FAM184A: variants seen among roughly 807,000 people sequenced by gnomAD.
The protein encoded by FAM184A is family with sequence similarity 184 member A.
FAM184A carries 99 observed loss-of-function variants against 143.8 expected under a neutral mutation model. The ratio of observed to expected loss-of-function variants is 0.69; its 90% CI spans 0.58 to 0.81. FAM184A has a LOEUF of 0.81. Among genes scored for constraint, FAM184A ranks in the 40% least tolerant of loss-of-function variants. The pLI, the probability that FAM184A is intolerant of heterozygous loss-of-function variation, is 0.00. For synonymous variants in FAM184A, 427 were observed against 446.4 expected (o/e 0.96, Z 0.55); for missense variants, 1,217 against 1,310.5 (o/e 0.93, Z 1.10).
At chr6:119,144,537 A>G (rs556794707) in intron 1 of FAM184A, among the ~76,000 whole-genome samples, 1 of 152,324 alleles carries the variant, frequency 6.6e-6, no homozygotes, top group East Asian at 1.9e-4. Context: ...AGCGTGGCTC[A>G]GGTGTTTAGC....
At chr6:119,070,952 C>T (rs1787664648) in intron 1 of FAM184A, among the ~76,000 whole-genome samples, 1 of 151,680 alleles carries the variant, frequency 6.6e-6, no homozygotes. Flanking sequence ...GGCAAAATAA[C>T]AGTATTTTAT....
chr6:119,034,836 A>G (rs969248233), intron 1 of FAM184A, among the ~76,000 whole-genome samples: 4 of 152,074 alleles, frequency 2.6e-5, no homozygotes, highest in East Asian at 3.9e-4. Context: ...CCCCAACCCT[A>G]TGCTAAACTA....
intron 1 of FAM184A, among the ~76,000 whole-genome samples, chr6:119,055,833 G>A (rs1392851001): frequency 6.6e-6 from 1 of 152,030 alleles, no homozygotes; most frequent in Non-Finnish European, 1.5e-5. Context: ...CCTTCCCAAA[G>A]GCATGCCCCT....
chr6:119,103,928 G>GAAA (rs199961401), intron 1 of FAM184A, among the ~76,000 whole-genome samples: 17 of 72,902 alleles, frequency 2.3e-4, no homozygotes, highest in Admixed American at 5.6e-4. Context: ...TCCGTGTAGA[G>GAAA]AAAAAAAAAA....
intron 1 of FAM184A, among the ~76,000 whole-genome samples, chr6:119,042,538 G>C (rs1392136371): frequency 2.0e-5 from 3 of 152,086 alleles, no homozygotes; most frequent in African/African-American, 7.2e-5. Context: ...AGTTGCCGTG[G>C]ACCCATATGG....
upstream of FAM184A, among the ~76,000 whole-genome samples, chr6:119,083,241 C>T (rs1788122147): frequency 6.6e-6 from 1 of 152,238 alleles, no homozygotes; most frequent in South Asian, 2.1e-4. Flanking sequence ...GGCCTCTGGG[C>T]CTGTGATGGG....
rs1304365658 is a variant in FAM184A at position 119,078,659 on chromosome 6, G to T, written c.-360C>A. The T allele has an allele frequency of 5.8e-6, 1 of 171,302 alleles. No homozygotes were observed. Among genetic ancestry groups the T allele is most frequent in the Non-Finnish European group, 1.2e-5 (1 of 80,896 alleles). 10.6% of individuals were successfully genotyped at this position (171,302 alleles called of 1,614,324 possible). On this transcript the variant is annotated 5_prime_UTR_variant, in exon 1 of 18. Coordinates refer to ENST00000338891, the MANE Select transcript of FAM184A (RefSeq NM_024581.6). This position sits in a 1 kb window ranked among gnomAD's most constrained non-coding sequence, Gnocchi z 5.5. ...TCGCAGCCCGCACCGAGGACTCGGC[G>T]AGGCTGCGGAGGGAGGAGGAGACGG...
intron 1 of FAM184A, among the ~76,000 whole-genome samples, chr6:119,091,498 G>A (rs1225276216): frequency 1.3e-5 from 2 of 152,172 alleles, no homozygotes; most frequent in African/African-American, 4.8e-5. Context: ...GTGGTATATG[G>A]TAGGAACAGT....
At chr6:119,081,894 T>C (rs141281434), upstream of FAM184A, among the ~76,000 whole-genome samples, 669 of 152,178 alleles carry the variant, frequency 4.4e-3, 2 homozygotes, top group Non-Finnish European at 7.3e-3. Context: ...ACCTGTGTGT[T>C]ACTCTGCTGA....
rs750478410 is a variant in FAM184A at position 118,961,942 on chromosome 6, A to T, written c.3160T>A (p.Ser1054Thr). ...ACACTCACAAACCTGTTTGTTGGTG[A>T]TTTATCATTCTTCTTCTTTTGCTGC... The part of the protein sequence containing the change: ...LAKQKKKNDK[S>T]PTNRFVSVPN... Residue 1054 changes from serine to threonine, a missense_variant, in exon 17 of 18, where the codon TCA (serine) becomes ACA (threonine). Transcript: ENST00000338891. 1.2e-6 allele frequency: 2 copies of T among 1,613,864 alleles called. No individual in the cohort carries two copies. Among genetic ancestry groups the T allele is most frequent in the East Asian group, 2.2e-5 (1 of 44,880 alleles).
intron 7 of FAM184A, among the ~76,000 whole-genome samples, chr6:119,005,101 T>C (rs577288836): frequency 6.6e-6 from 1 of 152,306 alleles, no homozygotes; most frequent in Non-Finnish European, 1.5e-5. Flanking sequence ...TTAATATAGT[T>C]TGGTCATCGA....
At chr6:119,127,515 C>T (rs1468022165) in intron 1 of FAM184A, among the ~76,000 whole-genome samples, 1 of 152,130 alleles carries the variant, frequency 6.6e-6, no homozygotes, top group African/African-American at 2.4e-5. Context: ...TGCTGGTAAA[C>T]CTCATAGAAA....
At chr6:119,068,880 C>T (rs945916889) in intron 1 of FAM184A, among the ~76,000 whole-genome samples, 2 of 152,060 alleles carry the variant, frequency 1.3e-5, no homozygotes, top group African/African-American at 4.8e-5. Flanking sequence ...AAGAAAAGCA[C>T]GTACATAAGT....
chr6:119,103,861 A>G (rs974506803), intron 1 of FAM184A, among the ~76,000 whole-genome samples: 1 of 137,916 alleles, frequency 7.3e-6, no homozygotes, highest in Non-Finnish European at 1.5e-5. Context: ...CAGGAGGTGG[A>G]GGTTGCAGTG....
intron 1 of FAM184A, among the ~76,000 whole-genome samples, chr6:119,094,867 G>A (rs181460478): frequency 6.6e-6 from 1 of 152,202 alleles, no homozygotes; most frequent in African/African-American, 2.4e-5. Flanking sequence ...GAATACACTT[G>A]AGAATGGCCC....
intron 1 of FAM184A, among the ~76,000 whole-genome samples, chr6:119,086,009 C>T (rs1788212785): frequency 6.6e-6 from 1 of 152,120 alleles, no homozygotes; most frequent in Admixed American, 6.6e-5. Flanking sequence ...ATCCAATCAC[C>T]TCCTACCAGG....
chr6:119,032,260 A>C (rs1192517290), intron 1 of FAM184A, among the ~76,000 whole-genome samples: 1 of 151,448 alleles, frequency 6.6e-6, no homozygotes, highest in African/African-American at 2.4e-5. Flanking sequence ...CAACAAAGTA[A>C]CTCTGTCTCA....
upstream of FAM184A, chr6:119,078,703 T>C (rs1787973130): frequency 6.4e-6 from 1 of 155,818 alleles, no homozygotes; most frequent in South Asian, 2.0e-4. The surrounding 1 kb of genome is among the most constrained non-coding windows in gnomAD (Gnocchi z 5.5). Context: ...GCGGCGGGGA[T>C]AGGCGGGGAC....
chr6:119,033,371 C>A (rs1013176066), intron 1 of FAM184A, among the ~76,000 whole-genome samples: 1 of 152,046 alleles, frequency 6.6e-6, no homozygotes, highest in Non-Finnish European at 1.5e-5. Flanking sequence ...TCAATCACTG[C>A]AACATAAGAA....
Sources: allele counts gnomAD v4.1 joint callset (sites outside exome capture counted in the v4.1 genomes callset), GRCh38; gene constraint gnomAD v4.1.1; non-coding constraint Gnocchi (gnomAD v3.1); transcripts MANE v1.5; gene names NCBI Gene and HGNC (gene_info 2026-07-23, HGNC 2026-07-21).